The following CCDC125 variants were observed in gnomAD, a reference collection of about 807,000 sequenced individuals.
CCDC125 encodes coiled-coil domain-containing protein 125.
Under a neutral mutation model 57.4 loss-of-function variants are expected in CCDC125, and 43 were observed. That is an observed-to-expected ratio of 0.75 (90% CI 0.59 to 0.97). The LOEUF is 0.97. Ranked by LOEUF, CCDC125 falls within the 50% of genes least tolerant of loss-of-function variation. The probability of loss-of-function intolerance (pLI) is 0.00; values close to 1 mark genes in which losing one functional copy is unlikely to be tolerated. For synonymous variants in CCDC125, 187 were observed against 195.2 expected, an observed-to-expected ratio of 0.96 and a Z score of 0.35; for missense variants, 563 against 595.7, an observed-to-expected ratio of 0.95 and a Z score of 0.57.
At chr5:69,285,765 C>T (rs1166047761) in intron 10 of CCDC125, among the ~76,000 whole-genome samples, 1 of 152,200 alleles carries the variant, frequency 6.6e-6, no homozygotes, top group Non-Finnish European at 1.5e-5. Context: ...GCAGATCTGT[C>T]ATGACATCTT....
In CCDC125 at chr5:69,305,034, T is replaced by TA. The variant is rs527680073; in HGVS notation, c.618-1106dup. Among the ~76,000 whole-genome samples, 759 of 133,812 alleles carry TA rather than the reference T, an allele frequency of 5.7e-3. 3 individuals are homozygous for TA. Among genetic ancestry groups the TA allele is most frequent in the African/African-American group, 0.012 (440 of 36,580 alleles). The allele number at this position is 133,812 out of a possible 152,430, so 87.8% of individuals were successfully genotyped here. On this transcript the variant is annotated intron_variant, in intron 6 of 11. Transcript: ENST00000396496. ...TTTTGTTGTGAATCTACAACTGCTC[T>TA]AAAAAAAAAAAAACCAACAAAGTAT...
At chr5:69,291,624 G>A (rs1754477229) in intron 10 of CCDC125, among the ~76,000 whole-genome samples, 1 of 152,162 alleles carries the variant, frequency 6.6e-6, no homozygotes, top group Non-Finnish European at 1.5e-5. Context: ...CAAAGTGCTA[G>A]GATTACAGGC....
In CCDC125 at chr5:69,282,523, T is replaced by G; in HGVS notation, c.*206A>C. The G allele has an allele frequency of 2.0e-6, 1 of 499,226 alleles. No individual in the cohort carries two copies. The highest frequency in any genetic ancestry group is 3.5e-6 in the Non-Finnish European group (1 of 287,922). The allele number at this position is 499,226 out of a possible 1,614,324, so 30.9% of individuals were successfully genotyped here. On this transcript the variant is annotated 3_prime_UTR_variant, in exon 12 of 12. Transcript: ENST00000396496. ...TTGCAGTGAACCGAGATCACACCAC[T>G]GCACTCCAACCTGGGTGACAGAGCA...
chr5:69,280,846 G>C lies in CCDC125; in HGVS notation c.*1883C>G, dbSNP rs1436730915. 1 of 152,508 alleles carries C rather than the reference G, an allele frequency of 6.6e-6. No homozygotes were observed. The highest frequency in any genetic ancestry group is 1.5e-5 in the Non-Finnish European group (1 of 68,328). 9.4% of individuals were successfully genotyped at this position (152,508 alleles called of 1,614,324 possible). On this transcript the variant is annotated 3_prime_UTR_variant, in exon 12 of 12. Transcript: ENST00000396496. The stretch of plus-strand genomic sequence containing the variant: ...GATGGGGGTCTCACTCTGTCACTCA[G>C]GCTGGAGTGCAGTGGCACAATCACA...
At chr5:69,322,335 A>G (rs1760162591) in intron 1 of CCDC125, among the ~76,000 whole-genome samples, 1 of 152,136 alleles carries the variant, frequency 6.6e-6, no homozygotes, top group African/African-American at 2.4e-5. Flanking sequence ...GTAACTGAAT[A>G]AAGGAAGAGA....
intron 4 of CCDC125, chr5:69,310,741 C>G (rs1758000553): frequency 6.4e-6 from 1 of 155,746 alleles, no homozygotes; most frequent in Non-Finnish European, 1.4e-5. Context: ...GCAAAAGAAT[C>G]CAGTCACATA....
At chr5:69,297,573 G>T (rs1755582707) in intron 8 of CCDC125, among the ~76,000 whole-genome samples, 3 of 151,804 alleles carry the variant, frequency 2.0e-5, no homozygotes, top group African/African-American at 7.3e-5. Flanking sequence ...GGTCAGGCTG[G>T]TCTCAAACTC....
In CCDC125 at chr5:69,320,187, T is replaced by C. The variant is rs373659809; in HGVS notation, c.304+50A>G. ...TTTAGATTTTGGAAGGGTTATAGCT[T>C]TGATACTATGCACAGGAGAAAGAAA... On this transcript the variant is annotated intron_variant, in intron 2 of 11. Coordinates refer to ENST00000396496, the MANE Select transcript of CCDC125 (RefSeq NM_176816.5). The C allele has an allele frequency of 3.2e-5, 47 of 1,460,700 alleles. No individual in the cohort carries two copies. In the African/African-American group the frequency reaches 5.6e-4, roughly 17 times the overall value. 90.5% of individuals were successfully genotyped at this position (1,460,700 alleles called of 1,614,324 possible).
At chr5:69,322,602 G>A (rs111858087) in intron 1 of CCDC125, among the ~76,000 whole-genome samples, 10 of 151,260 alleles carry the variant, frequency 6.6e-5, no homozygotes, top group African/African-American at 1.9e-4. Context: ...TTGCTCTGTC[G>A]CCCAGGCTGG....
intron 2 of CCDC125, among the ~76,000 whole-genome samples, chr5:69,314,870 A>G (rs1758754876): frequency 7.9e-6 from 1 of 126,552 alleles, no homozygotes; most frequent in Admixed American, 8.5e-5. Flanking sequence ...CATTCAAACA[A>G]AAATAAAGAA....
At chr5:69,324,679 G>C (rs1041418017) in intron 1 of CCDC125, among the ~76,000 whole-genome samples, 1 of 152,102 alleles carries the variant, frequency 6.6e-6, no homozygotes, top group Non-Finnish European at 1.5e-5. Context: ...ATGCATTTCC[G>C]ATATATGCAA....
intron 4 of CCDC125, 77 bp downstream of exon 4, chr5:69,311,041 T>C (rs957892595): frequency 1.2e-5 from 11 of 930,134 alleles, no homozygotes; most frequent in Non-Finnish European, 1.8e-5. Context: ...CCTTCTGCCT[T>C]GGTTTTAAAA....
chr5:69,290,781 G>T (rs370553955), intron 10 of CCDC125, among the ~76,000 whole-genome samples: 6 of 149,852 alleles, frequency 4.0e-5, no homozygotes, highest in Non-Finnish European at 8.9e-5. Flanking sequence ...AGGCGCCTGC[G>T]ACCAAGCCCG....
downstream of CCDC125, among the ~76,000 whole-genome samples, chr5:69,275,292 G>A (rs939721961): frequency 6.6e-6 from 1 of 152,098 alleles, no homozygotes; most frequent in Admixed American, 6.6e-5. Flanking sequence ...ATGGATTGTT[G>A]AATTAGAATC....
chr5:69,320,562 A>T lies in CCDC125; in HGVS notation c.-22T>A. Reference sequence around the variant, plus strand: ...TCATGAGCCAAATGCCGTCTTTATCATAAGAAAAAATGGGCTGTCTGTAGT... The same window carrying T: ...TCATGAGCCAAATGCCGTCTTTATCTTAAGAAAAAATGGGCTGTCTGTAGT... On this transcript the variant is annotated 5_prime_UTR_variant, in exon 2 of 12. It removes an upstream start codon present in the reference 5' UTR. Coordinates refer to ENST00000396496, the MANE Select transcript of CCDC125 (RefSeq NM_176816.5). 1 of 1,550,900 alleles carries T rather than the reference A, an allele frequency of 6.4e-7. No homozygotes were observed. The highest frequency in any genetic ancestry group is 8.7e-7 in the Non-Finnish European group (1 of 1,142,910).
At chr5:69,300,747 C>T (rs1756260932) in intron 7 of CCDC125, among the ~76,000 whole-genome samples, 1 of 152,040 alleles carries the variant, frequency 6.6e-6, no homozygotes, top group Non-Finnish European at 1.5e-5. Flanking sequence ...CTGAGAAGCT[C>T]CAGCTGTGTG....
chr5:69,280,382 G>A lies in CCDC125; in HGVS notation c.*2347C>T, dbSNP rs796756646. The A allele has an allele frequency of 2.0e-5, 3 of 152,192 alleles. No individual in the cohort carries two copies. The highest frequency in any genetic ancestry group is 4.1e-4 in the South Asian group (2 of 4,824). The allele number at this position is 152,192 out of a possible 1,614,324, so 9.4% of individuals were successfully genotyped here. On this transcript the variant is annotated 3_prime_UTR_variant, in exon 12 of 12. Coordinates refer to ENST00000396496, the MANE Select transcript of CCDC125 (RefSeq NM_176816.5). ...TTAAGATGCTACTGAGACATGTGGTGTATGAACAAGCATTAACAGCTACTG... is the reference window on the plus strand; with the variant it reads ...TTAAGATGCTACTGAGACATGTGGTATATGAACAAGCATTAACAGCTACTG...
chr5:69,305,941 C>T (rs1184250598), intron 6 of CCDC125, among the ~76,000 whole-genome samples: 1 of 152,074 alleles, frequency 6.6e-6, no homozygotes, highest in Non-Finnish European at 1.5e-5. Flanking sequence ...GCCACCATAC[C>T]CAACTGAAAT....
At chr5:69,317,094 C>T (rs1276841053) in intron 2 of CCDC125, among the ~76,000 whole-genome samples, 7 of 151,996 alleles carry the variant, frequency 4.6e-5, no homozygotes, top group African/African-American at 9.7e-5. Flanking sequence ...CTGCAACCTC[C>T]GCCTCCCAGG....
Sources: gnomAD v4.1 joint callset for allele counts (sites outside exome capture counted in the v4.1 genomes callset) on GRCh38, gnomAD v4.1.1 for gene constraint, MANE v1.5 for transcripts, NCBI Gene and HGNC (gene_info 2026-07-23, HGNC 2026-07-21) for gene names.